ZNF791: variants seen among roughly 807,000 people sequenced by gnomAD.
ZNF791 encodes zinc finger protein 791.
In ZNF791, 4 loss-of-function variants were observed where a neutral mutation model predicts 11.5. The observed-to-expected ratio is 0.35, with a 90% CI of 0.17 to 0.80. ZNF791 has a LOEUF of 0.80. Ranked by LOEUF, ZNF791 falls within the 30% of genes least tolerant of loss-of-function variation. The pLI, the probability that ZNF791 is intolerant of heterozygous loss-of-function variation, is 0.53. For missense variants in ZNF791, 559 were observed against 699.4 expected (o/e 0.80, Z 2.26); for synonymous variants, 212 against 228.1 (o/e 0.93, Z 0.64).
Position 12,629,168 on chromosome 19 carries a change from A to G in ZNF791, c.1639A>G (p.Asn547Asp). 6.3e-7 allele frequency: 1 copy of G among 1,592,998 alleles called. No homozygotes were observed. Among genetic ancestry groups the G allele is most frequent in the Non-Finnish European group, 8.5e-7 (1 of 1,171,826 alleles). ...SSFQRHTRIHNYEKPLECKQC... is the reference protein window; with the variant it reads ...SSFQRHTRIHDYEKPLECKQC... ...CTTTCAAAGACATACAAGAATTCAC[A>G]ATTATGAGAAACCTCTTGAATGTAA... Residue 547 changes from asparagine to aspartate, a missense_variant, in exon 4 of 4, where the codon AAT (asparagine) becomes GAT (aspartate). Physicochemically the swap from Asn to Asp is conservative, Grantham distance 23. Coordinates refer to ENST00000343325, the MANE Select transcript of ZNF791 (RefSeq NM_153358.3).
At chr19:12,615,428 C>T (rs2023232205) in intron 1 of ZNF791, among the ~76,000 whole-genome samples, 1 of 151,974 alleles carries the variant, frequency 6.6e-6, no homozygotes, top group Non-Finnish European at 1.5e-5. Flanking sequence ...TTTTAAGGTC[C>T]TTCTGTGTCT....
chr19:12,613,051 T>C (rs992939232), intron 1 of ZNF791, among the ~76,000 whole-genome samples: 2 of 151,682 alleles, frequency 1.3e-5, no homozygotes, highest in African/African-American at 2.4e-5. Flanking sequence ...AATTGGTGCA[T>C]ATTGACAGCC....
At chr19:12,617,760 C>T (rs77908558) in intron 1 of ZNF791, among the ~76,000 whole-genome samples, 2 of 51,718 alleles carry the variant, frequency 3.9e-5, no homozygotes, top group South Asian at 8.0e-4. Flanking sequence ...TGCTGGAACT[C>T]TTTTTTTTTT....
rs1403326424 is a variant in ZNF791 at position 12,625,970 on chromosome 19, A to G, written c.191+1260A>G. On this transcript the variant is annotated intron_variant, in intron 3 of 3. Transcript: ENST00000343325. ...AGCAATTCTTCTGCCTCAGCCTCCC[A>G]AGTAGCTGGGATTATAAGCGCGCAC... Among the ~76,000 whole-genome samples, 7 of 151,726 alleles carry G rather than the reference A, an allele frequency of 4.6e-5. No homozygotes were observed. In the East Asian group the frequency reaches 9.8e-4, roughly 21 times the overall value.
At chr19:12,621,492 A>ATG (rs2023342660) in intron 1 of ZNF791, among the ~76,000 whole-genome samples, 2 of 151,092 alleles carry the variant, frequency 1.3e-5, no homozygotes. Context: ...ACATAGGGAT[A>ATG]TATATATATC....
chr19:12,618,308 T>C (rs1050744039), intron 1 of ZNF791, among the ~76,000 whole-genome samples: 1 of 151,946 alleles, frequency 6.6e-6, no homozygotes, highest in Admixed American at 6.6e-5. Context: ...ACTTAAAGGG[T>C]TTTTTGGAGC....
At chr19:12,621,721 G>GGGGC (rs766324706) in intron 1 of ZNF791, among the ~76,000 whole-genome samples, 9 of 88,192 alleles carry the variant, frequency 1.0e-4, no homozygotes, top group South Asian at 5.7e-4. Flanking sequence ...CCTCGGTGGG[G>GGGGC]GGTCAGCCCC....
intron 1 of ZNF791, among the ~76,000 whole-genome samples, chr19:12,617,353 T>C (rs902872531): frequency 2.6e-5 from 4 of 152,098 alleles, no homozygotes; most frequent in African/African-American, 4.8e-5. Flanking sequence ...CTCGAACTCC[T>C]GACCTCGTGA....
chr19:12,617,419 C>T lies in ZNF791; in HGVS notation c.4-6281C>T, dbSNP rs565018256. Reference sequence around the variant, plus strand: ...GATTACAGGCATGAGTCACTGCGCCCGGCCCAAATTTAATTTTTCTTGAGA... The same window carrying T: ...GATTACAGGCATGAGTCACTGCGCCTGGCCCAAATTTAATTTTTCTTGAGA... On this transcript the variant is annotated intron_variant, in intron 1 of 3. Coordinates refer to ENST00000343325, the MANE Select transcript of ZNF791 (RefSeq NM_153358.3). 7.9e-5 allele frequency among the ~76,000 whole-genome samples: 12 copies of T among 152,206 alleles called. 1 individual carries two copies. The highest frequency in any genetic ancestry group is 6.2e-4 in the South Asian group (3 of 4,816).
chr19:12,617,235 C>T (rs2023256995), intron 1 of ZNF791, among the ~76,000 whole-genome samples: 1 of 150,860 alleles, frequency 6.6e-6, no homozygotes. Context: ...AAGCGATTCT[C>T]CTGCCTCAAC....
chr19:12,613,375 C>A (rs990564991), intron 1 of ZNF791, among the ~76,000 whole-genome samples: 9 of 151,950 alleles, frequency 5.9e-5, no homozygotes, highest in Non-Finnish European at 8.8e-5. Flanking sequence ...AGGTCAGGAG[C>A]TCGAGACCAT....
In ZNF791 at chr19:12,628,749, C is replaced by T; in HGVS notation, c.1220C>T (p.Thr407Ile). Reference sequence around the variant, plus strand: ...TTGAAAATCCACAAGAGAAATCACACTGGAGAAAAACCCTATGAGTGTAAG... The same window carrying T: ...TTGAAAATCCACAAGAGAAATCACATTGGAGAAAAACCCTATGAGTGTAAG... ...LDLKIHKRNH[T>I]GEKPYECKEC... Residue 407 changes from threonine to isoleucine, a missense_variant, in exon 4 of 4, where the codon ACT (threonine) becomes ATT (isoleucine). By Grantham distance (89) the Thr-to-Ile change is moderately conservative (BLOSUM62 -1). Coordinates refer to ENST00000343325, the MANE Select transcript of ZNF791 (RefSeq NM_153358.3). 1 of 1,604,222 alleles carries T rather than the reference C, an allele frequency of 6.2e-7. No homozygotes were observed. Among genetic ancestry groups the T allele is most frequent in the Non-Finnish European group, 8.5e-7 (1 of 1,176,734 alleles).
chr19:12,619,112 A>G (rs1174762909), intron 1 of ZNF791, among the ~76,000 whole-genome samples: 1 of 151,542 alleles, frequency 6.6e-6, no homozygotes, highest in Non-Finnish European at 1.5e-5. Flanking sequence ...CCAAAGTGCT[A>G]GGGATTACAG....
chr19:12,623,090 C>G (rs2023378668), intron 1 of ZNF791, among the ~76,000 whole-genome samples: 1 of 151,942 alleles, frequency 6.6e-6, no homozygotes, highest in Admixed American at 6.6e-5. Flanking sequence ...AAACAACAAA[C>G]AAACAAACAA....
At chr19:12,612,440 T>TTATC (rs74180087) in intron 1 of ZNF791, 1 of 149,768 alleles carries the variant, frequency 6.7e-6, no homozygotes, top group Non-Finnish European at 1.5e-5. Context: ...ATTTATTTAT[T>TTATC]ATTTATTTAC....
rs778693103 is a variant in ZNF791 at position 12,623,872 on chromosome 19, G to GGGA, written c.130+48_130+49insAGG. 3.2e-5 allele frequency: 32 copies of GGGA among 1,003,890 alleles called. 3 individuals are homozygous for GGGA. Among genetic ancestry groups the GGGA allele is most frequent in the Non-Finnish European group, 4.3e-5 (30 of 701,868 alleles). The allele number at this position is 1,003,890 out of a possible 1,614,324, so 62.2% of individuals were successfully genotyped here. On this transcript the variant is annotated intron_variant, in intron 2 of 3. Coordinates refer to ENST00000343325, the MANE Select transcript of ZNF791 (RefSeq NM_153358.3). ...TCTTTTTTCTTTTTTTTTTTTTTTGGGGGGGGACAGAGTTTCACTATTGTC... is the reference window on the plus strand; with the variant it reads ...TCTTTTTTCTTTTTTTTTTTTTTTGGGGAGGGGGGACAGAGTTTCACTATTGTC...
intron 1 of ZNF791, among the ~76,000 whole-genome samples, chr19:12,622,397 AAG>A (rs1555703335): frequency 7.3e-6 from 1 of 136,880 alleles, no homozygotes; most frequent in Admixed American, 7.7e-5. Flanking sequence ...TAATAAAAAA[AAG>A]ACTGTCTCAA....
At chr19:12,615,042 CAG>C (rs2023225743) in intron 1 of ZNF791, among the ~76,000 whole-genome samples, 1 of 49,688 alleles carries the variant, frequency 2.0e-5, no homozygotes, top group African/African-American at 8.4e-5. Context: ...TTTTTTGAGA[CAG>C]GGTCCCACTC....
rs1174981470 is a variant in ZNF791, at chr19:12,631,208, TACA to T, written c.*1955_*1957del. ...TGTTACAATTTCCTACAGTGTTCAG[TACA>T]ACAACATGTTGTATGGTTTATAGCC... On this transcript the variant is annotated 3_prime_UTR_variant, in exon 4 of 4. Transcript: ENST00000343325. 1.3e-5 allele frequency: 2 copies of T among 152,262 alleles called. No homozygotes were observed. The highest frequency in any genetic ancestry group is 6.5e-5 in the Admixed American group (1 of 15,280). 9.4% of individuals were successfully genotyped at this position (152,262 alleles called of 1,614,324 possible).
Sources: allele counts gnomAD v4.1 joint callset (sites outside exome capture counted in the v4.1 genomes callset), GRCh38; gene constraint gnomAD v4.1.1; transcripts MANE v1.5; gene names NCBI Gene and HGNC (gene_info 2026-07-23, HGNC 2026-07-21).